Variants in SEPTIN4 observed in about 807,000 individuals in gnomAD.
The protein encoded by SEPTIN4 is septin-4.
SEPTIN4 carries 52 observed loss-of-function variants against 107.1 expected under a neutral mutation model. The observed-to-expected ratio is 0.49, with a 90% CI of 0.39 to 0.61. SEPTIN4 has a LOEUF of 0.61. SEPTIN4 is among the 20% of genes least tolerant of loss of function. The pLI is 0.00. For synonymous variants in SEPTIN4, 417 were observed against 467.0 expected (o/e 0.89, Z 1.38); for missense variants, 1,048 against 1,243.5 (o/e 0.84, Z 2.36).
chr17:58,525,585 T>A, intron 6 of SEPTIN4, 110 bp downstream of exon 6: 1 of 962,018 alleles, frequency 1.0e-6, no homozygotes, highest in South Asian at 1.4e-5. Flanking sequence ...TGTCAGTCTC[T>A]CTAGGAGGCC....
chr17:58,521,215 G>A lies in SEPTIN4; in HGVS notation c.2668+39C>T. The A allele has an allele frequency of 6.2e-7, 1 of 1,614,116 alleles. No individual in the cohort carries two copies. The highest frequency in any genetic ancestry group is 8.5e-7 in the Non-Finnish European group (1 of 1,179,950). On this transcript the variant is annotated intron_variant, in intron 11 of 13. Transcript: ENST00000672673. The surrounding 1 kb of genome is among the most constrained non-coding windows in gnomAD (Gnocchi z 6.4). ...GGCATAGGTAGGGGAGAGCCACTGAGGGCAAGGAGATACCCTGGTCACAGG... is the reference window on the plus strand; with the variant it reads ...GGCATAGGTAGGGGAGAGCCACTGAAGGCAAGGAGATACCCTGGTCACAGG...
chr17:58,542,304 G>A (rs1438838951), intron 1 of SEPTIN4, among the ~76,000 whole-genome samples: 3 of 152,026 alleles, frequency 2.0e-5, no homozygotes. Context: ...CCCCAGCTCA[G>A]TTCTTCATCC....
intron 7 of SEPTIN4, 26 bp downstream of exon 7, chr17:58,525,052 C>T (rs372312464): frequency 2.5e-4 from 397 of 1,613,764 alleles, no homozygotes; most frequent in Non-Finnish European, 3.1e-4. Context: ...TCAGGGGCAG[C>T]TGGGATTGTG....
chr17:58,520,915 A>G, intron 12 of SEPTIN4, 73 bp from the exon 13 acceptor site: 3 of 1,612,108 alleles, frequency 1.9e-6, no homozygotes, highest in Non-Finnish European at 2.5e-6. Context: ...GGGCCTATAG[A>G]AGAACAAAAG....
chr17:58,529,118 A>G, intron 3 of SEPTIN4: 1 of 1,614,174 alleles, frequency 6.2e-7, no homozygotes, highest in Non-Finnish European at 8.5e-7. Context: ...ACCTTACCCC[A>G]GCTTCAGTCC....
At chr17:58,524,967 T>C in intron 7 of SEPTIN4, 111 bp downstream of exon 7, 1 of 1,449,322 alleles carries the variant, frequency 6.9e-7, no homozygotes, top group Non-Finnish European at 9.5e-7. Context: ...ATGCTCAAGG[T>C]CATAGACCGC....
In SEPTIN4 at chr17:58,538,285, C is replaced by T. The variant is rs530634607; in HGVS notation, c.1614+2381G>A. The stretch of plus-strand genomic sequence containing the variant: ...ATCCCATCCCTTCAGGGTCACATGA[C>T]ATGTCATCCAAAAGACACTGAGGTC... On this transcript the variant is annotated intron_variant, in intron 3 of 13. Coordinates refer to ENST00000672673, the MANE Select transcript of SEPTIN4 (RefSeq NM_001368771.2). The surrounding 1 kb of genome is among the most constrained non-coding windows in gnomAD (Gnocchi z 4.7). 1.3e-5 allele frequency among the ~76,000 whole-genome samples: 2 copies of T among 152,360 alleles called. No individual in the cohort carries two copies. The highest frequency in any genetic ancestry group is 3.9e-4 in the East Asian group (2 of 5,190).
intron 3 of SEPTIN4, chr17:58,531,856 A>G (rs1196824084): frequency 1.9e-6 from 2 of 1,045,716 alleles, no homozygotes; most frequent in African/African-American, 3.4e-5. Flanking sequence ...CACCCTGCAC[A>G]GCCGCGGCTG....
Position 58,526,911 on chromosome 17 carries a change from C to T in SEPTIN4, c.1682G>A (p.Gly561Glu), listed in dbSNP as rs534268259. 2 of 1,614,124 alleles carry T rather than the reference C, an allele frequency of 1.2e-6. No homozygotes were observed. The highest frequency in any genetic ancestry group is 2.2e-5 in the South Asian group (2 of 91,086). The change falls in exon 4 of 14, where the codon GGA becomes GAA. Residue 561 changes from glycine to glutamate, a missense_variant. By Grantham distance (98) the Gly-to-Glu change is moderately conservative (BLOSUM62 -2). Coordinates refer to ENST00000672673, the MANE Select transcript of SEPTIN4 (RefSeq NM_001368771.2). The stretch of plus-strand genomic sequence containing the variant: ...CTCTGGTGGGTGGCAGCTCGCATTT[C>T]CTGAGAAATCCTTCACGAACTTGCT... ...ELSKFVKDFS[G>E]NASCHPPEAK...
chr17:58,520,575 A>T (rs2042152360), intron 13 of SEPTIN4, 90 bp from the exon 14 acceptor site: 1 of 1,561,458 alleles, frequency 6.4e-7, no homozygotes, highest in Non-Finnish European at 8.8e-7. Flanking sequence ...CTTAAGCCAG[A>T]ACCTTGGTAG....
chr17:58,535,630 G>C (rs146129464), intron 3 of SEPTIN4, among the ~76,000 whole-genome samples: 4 of 152,292 alleles, frequency 2.6e-5, no homozygotes, highest in African/African-American at 9.6e-5. Flanking sequence ...TGGAAGCTTT[G>C]CTGACTCATT....
intron 3 of SEPTIN4, among the ~76,000 whole-genome samples, chr17:58,535,566 T>C (rs556860532): frequency 2.0e-5 from 3 of 152,360 alleles, no homozygotes; most frequent in South Asian, 2.1e-4. Flanking sequence ...GTCTTCACTA[T>C]ACTGAGCCAA....
rs1491282576 is a variant in SEPTIN4, at chr17:58,538,636, C to CA, written c.1614+2029dup. Among the ~76,000 whole-genome samples, 1 of 151,514 alleles carries CA rather than the reference C, an allele frequency of 6.6e-6. No homozygotes were observed. The highest frequency in any genetic ancestry group is 1.5e-5 in the Non-Finnish European group (1 of 67,872). On this transcript the variant is annotated intron_variant, in intron 3 of 13. Transcript: ENST00000672673. The surrounding 1 kb of genome is among the most constrained non-coding windows in gnomAD (Gnocchi z 4.7). ...TTGAGCTTTTGCTAGTTCTGATCCC[C>CA]AAAAAAAACCCATCAGGAATGCTTC...
chr17:58,531,147 T>C (rs1486561066), intron 3 of SEPTIN4: 1 of 152,246 alleles, frequency 6.6e-6, no homozygotes, highest in Admixed American at 6.5e-5. Flanking sequence ...GGAGAAGAGA[T>C]TACATCTTCA....
intron 3 of SEPTIN4, chr17:58,539,199 G>C: frequency 6.5e-7 from 1 of 1,528,710 alleles, no homozygotes; most frequent in South Asian, 1.2e-5. Context: ...TGCTGAACAG[G>C]GCTGGAGAGC....
At chr17:58,520,921 A>G in intron 12 of SEPTIN4, 77 bp downstream of exon 12, 1 of 1,611,704 alleles carries the variant, frequency 6.2e-7, no homozygotes, top group Non-Finnish European at 8.5e-7. Context: ...ATAGAAGAAC[A>G]AAAGTAGGGC....
intron 5 of SEPTIN4, 147 bp from the exon 6 acceptor site, chr17:58,525,928 G>A: frequency 1.2e-6 from 1 of 850,938 alleles, no homozygotes; most frequent in South Asian, 1.8e-5. Context: ...GAGCTGGGAG[G>A]AAGCACAGAG....
chr17:58,521,258 C>T lies in SEPTIN4; in HGVS notation c.2664G>A (p.Val888=). 3 of 1,614,200 alleles carry T rather than the reference C, an allele frequency of 1.9e-6. No homozygotes were observed. In the South Asian group the frequency reaches 3.3e-5, roughly 18 times the overall value. The change falls in exon 11 of 14, where the codon GTG becomes GTA. Residue 888 remains valine (V), a synonymous_variant. Transcript: ENST00000672673. This position sits in a 1 kb window ranked among gnomAD's most constrained non-coding sequence, Gnocchi z 6.4. ...VRGRLYPWGI[V]EVENPGHCDF... is the part of the protein sequence containing the mutation. Reference sequence around the variant, plus strand: ...GTCACAGGCTCAGTGCTTTACCTTCCACGATGCCCCAGGGGTAGAGTCGAC... The same window carrying T: ...GTCACAGGCTCAGTGCTTTACCTTCTACGATGCCCCAGGGGTAGAGTCGAC...
Position 58,526,776 on chromosome 17 carries a change from T to C in SEPTIN4, c.1817A>G (p.Asp606Gly). The change falls in exon 4 of 14, where the codon GAC (aspartate) becomes GGC (glycine). Residue 606 changes from aspartate to glycine, a missense_variant. Physicochemically the swap from Asp to Gly is moderately conservative, Grantham distance 94 (BLOSUM62 -1). This residue lies in a region of SEPTIN4 where 787 missense variants were observed against 871.8 expected (regional missense o/e 0.90). Transcript: ENST00000672673. ...TGGGGCACAGAAGTACTGCTGGTTG[T>C]CAGAGGACTGGGGCCGCGAGGGGGG... ...FRPPSRPQSS[D>G]NQQYFCAPAP... 1.9e-6 allele frequency: 3 copies of C among 1,613,682 alleles called. No homozygotes were observed. The highest frequency in any genetic ancestry group is 2.5e-6 in the Non-Finnish European group (3 of 1,179,902).
Sources: allele counts gnomAD v4.1 joint callset (sites outside exome capture counted in the v4.1 genomes callset), GRCh38; gene constraint gnomAD v4.1.1; regional missense constraint gnomAD v4.1.1; non-coding constraint Gnocchi (gnomAD v3.1); transcripts MANE v1.5; gene names NCBI Gene and HGNC (gene_info 2026-07-23, HGNC 2026-07-21).